Variants in AGBL1 observed in about 807,000 individuals in gnomAD.
The protein encoded by AGBL1 is cytosolic carboxypeptidase 4.
AGBL1 carries 130 observed loss-of-function variants against 118.9 expected under a neutral mutation model. The ratio of observed to expected loss-of-function variants is 1.09; its 90% CI spans 0.95 to 1.26. The LOEUF is 1.26. AGBL1 is among the 50% of genes most tolerant of loss of function. AGBL1 has a pLI of 0.00. For synonymous variants in AGBL1, 555 were observed against 478.9 expected (o/e 1.16, Z -2.08); for missense variants, 1,584 against 1,298.1 (o/e 1.22, Z -3.38).
intron 5 of AGBL1, among the ~76,000 whole-genome samples, chr15:86,175,476 A>AT (rs1259783264): frequency 2.0e-5 from 3 of 151,252 alleles, no homozygotes; most frequent in African/African-American, 7.3e-5. Context: ...GATCCTTTGT[A>AT]TTTTTTTAGT....
intron 18 of AGBL1, among the ~76,000 whole-genome samples, chr15:86,411,565 A>T (rs2142010965): frequency 6.6e-6 from 1 of 152,234 alleles, no homozygotes; most frequent in African/African-American, 2.4e-5. Context: ...CTTTTGAATT[A>T]TTAGCCTTAC....
intron 24 of AGBL1, among the ~76,000 whole-genome samples, chr15:87,005,580 T>G (rs548963827): frequency 3.9e-4 from 59 of 152,314 alleles, no homozygotes; most frequent in African/African-American, 1.2e-3. Context: ...TCAATCTGAT[T>G]AGCCATTTGT....
At chr15:86,845,640 T>C (rs963996253) in intron 22 of AGBL1, among the ~76,000 whole-genome samples, 13 of 152,166 alleles carry the variant, frequency 8.5e-5, no homozygotes, top group Admixed American at 2.6e-4. Context: ...TCTGAAAGAG[T>C]TGGTGAAAGA....
At chr15:86,845,792 C>A (rs2079309279) in intron 22 of AGBL1, among the ~76,000 whole-genome samples, 1 of 152,156 alleles carries the variant, frequency 6.6e-6, no homozygotes, top group African/African-American at 2.4e-5. Flanking sequence ...CTTCATGAAT[C>A]CATTTTGGTA....
chr15:86,594,940 T>G (rs1341165019), intron 21 of AGBL1, among the ~76,000 whole-genome samples: 2 of 152,160 alleles, frequency 1.3e-5, no homozygotes, highest in Non-Finnish European at 2.9e-5. Context: ...GCTAAATGAG[T>G]TGGTATGTCT....
intron 19 of AGBL1, among the ~76,000 whole-genome samples, chr15:86,542,353 G>C (rs896362010): frequency 8.1e-5 from 10 of 124,132 alleles, no homozygotes; most frequent in Non-Finnish European, 1.1e-4. Context: ...TGCCACCATT[G>C]AGATTTTTTT....
chr15:86,240,451 C>CTTA (rs1186794067), intron 6 of AGBL1, among the ~76,000 whole-genome samples: 2 of 152,150 alleles, frequency 1.3e-5, no homozygotes, highest in Non-Finnish European at 2.9e-5. Context: ...TACCTTTATT[C>CTTA]TTACTAATGT....
intron 21 of AGBL1, among the ~76,000 whole-genome samples, chr15:86,561,198 G>T (rs1038972927): frequency 6.6e-6 from 1 of 152,122 alleles, no homozygotes. Context: ...GTTTTAGACA[G>T]GAAGTCCTTG....
At chr15:86,249,532 T>A (rs2078774587) in intron 7 of AGBL1, among the ~76,000 whole-genome samples, 1 of 152,192 alleles carries the variant, frequency 6.6e-6, no homozygotes, top group Non-Finnish European at 1.5e-5. Context: ...ATATTTTACC[T>A]TCTATTTCTC....
At chr15:86,627,004 A>ATTTTT (rs529625807) in intron 21 of AGBL1, among the ~76,000 whole-genome samples, 3 of 140,348 alleles carry the variant, frequency 2.1e-5, no homozygotes, top group African/African-American at 5.3e-5. Context: ...CGACCAGCTA[A>ATTTTT]TTTTTTTTTT....
intron 24 of AGBL1, among the ~76,000 whole-genome samples, chr15:87,006,104 A>G (rs934929793): frequency 5.3e-5 from 8 of 152,098 alleles, no homozygotes; most frequent in South Asian, 4.2e-4. Context: ...GTCTGCCCCT[A>G]CTGTTGGGTG....
At chr15:86,905,365 G>A (rs570425794) in intron 22 of AGBL1, among the ~76,000 whole-genome samples, 2 of 152,336 alleles carry the variant, frequency 1.3e-5, no homozygotes, top group South Asian at 2.1e-4. Context: ...AGGCAAGGGA[G>A]CATCATTGCA....
intron 18 of AGBL1, among the ~76,000 whole-genome samples, chr15:86,415,834 A>T (rs560998890): frequency 1.3e-3 from 199 of 152,248 alleles, no homozygotes; most frequent in African/African-American, 4.7e-3. Context: ...CATTTTGTAC[A>T]CTAAGTTGTG....
chr15:86,537,976 G>A (rs2083448078), intron 19 of AGBL1, among the ~76,000 whole-genome samples: 2 of 152,196 alleles, frequency 1.3e-5, no homozygotes, highest in Admixed American at 1.3e-4. Flanking sequence ...TTTTTGGGTT[G>A]ATTTACAGGC....
intron 22 of AGBL1, among the ~76,000 whole-genome samples, chr15:86,843,828 C>T (rs1386683700): frequency 6.6e-6 from 1 of 152,140 alleles, no homozygotes; most frequent in Non-Finnish European, 1.5e-5. Flanking sequence ...TCACCAGAAT[C>T]CAGTTTTAGA....
chr15:86,562,515 C>A (rs576591676), intron 21 of AGBL1, among the ~76,000 whole-genome samples: 2 of 152,254 alleles, frequency 1.3e-5, no homozygotes, highest in Non-Finnish European at 2.9e-5. Flanking sequence ...GGTGGATAAG[C>A]TTTTTGATGT....
chr15:86,384,104 C>G (rs2081149556), intron 17 of AGBL1, among the ~76,000 whole-genome samples: 1 of 152,104 alleles, frequency 6.6e-6, no homozygotes, highest in Non-Finnish European at 1.5e-5. Flanking sequence ...TGCTGTACCG[C>G]GTGGGCTCCA....
At chr15:86,637,601 A>T (rs1309690993) in intron 21 of AGBL1, among the ~76,000 whole-genome samples, 1 of 152,216 alleles carries the variant, frequency 6.6e-6, no homozygotes, top group Non-Finnish European at 1.5e-5. Flanking sequence ...TATGGATTGG[A>T]AGCAGAAAGC....
chr15:86,460,219 C>T (rs2082314470), intron 18 of AGBL1, among the ~76,000 whole-genome samples: 1 of 147,164 alleles, frequency 6.8e-6, no homozygotes, highest in Admixed American at 6.9e-5. Flanking sequence ...AGGCATCTCA[C>T]ACCTATCATC....
Sources: gnomAD v4.1 joint callset for allele counts (sites outside exome capture counted in the v4.1 genomes callset) on GRCh38, gnomAD v4.1.1 for gene constraint, MANE v1.5 for transcripts, NCBI Gene and HGNC (gene_info 2026-07-23, HGNC 2026-07-21) for gene names.